Variants in PLXDC2 observed in about 807,000 individuals in gnomAD.
PLXDC2 encodes plexin domain containing 2.
A neutral mutation model predicts 68.9 loss-of-function variants in PLXDC2; 40 were observed. That is an observed-to-expected ratio of 0.58 (90% CI 0.45 to 0.76). The LOEUF (loss-of-function observed/expected upper bound fraction) is 0.76. Ranked by LOEUF, PLXDC2 falls within the 30% of genes least tolerant of loss-of-function variation. The pLI is 0.00. For missense variants in PLXDC2, 644 were observed against 661.9 expected, an observed-to-expected ratio of 0.97 and a Z score of 0.30; for synonymous variants, 243 against 234.2, an observed-to-expected ratio of 1.04 and a Z score of -0.34.
At chr10:20,243,841 T>C (rs1359340663) in intron 12 of PLXDC2, among the ~76,000 whole-genome samples, 3 of 152,058 alleles carry the variant, frequency 2.0e-5, no homozygotes, top group African/African-American at 7.2e-5. Context: ...GGTGAATCAC[T>C]TGAGGTCAGG....
intron 1 of PLXDC2, among the ~76,000 whole-genome samples, chr10:19,920,600 C>A (rs1030599851): frequency 6.6e-6 from 1 of 152,190 alleles, no homozygotes; most frequent in Non-Finnish European, 1.5e-5. Context: ...AGGGGAAAAC[C>A]CTCCCACTCC....
At chr10:20,075,888 C>T (rs759471019) in intron 4 of PLXDC2, among the ~76,000 whole-genome samples, 15 of 152,148 alleles carry the variant, frequency 9.9e-5, no homozygotes, top group Non-Finnish European at 1.9e-4. Flanking sequence ...ACTGAAGTGT[C>T]CACTGATTGC....
intron 4 of PLXDC2, among the ~76,000 whole-genome samples, chr10:20,102,500 TCCTATTCCATCA>T (rs1274861735): frequency 1.3e-5 from 2 of 152,210 alleles, no homozygotes; most frequent in Non-Finnish European, 2.9e-5. Context: ...TATATGTCTG[TCCTATTCCATCA>T]CCAGCAGCAG....
chr10:20,103,364 A>C (rs1833447357), intron 4 of PLXDC2, among the ~76,000 whole-genome samples: 2 of 152,214 alleles, frequency 1.3e-5, no homozygotes, highest in Admixed American at 1.3e-4. Flanking sequence ...TGAGCATTAG[A>C]TAGGCCATGT....
intron 1 of PLXDC2, among the ~76,000 whole-genome samples, chr10:19,961,394 C>T (rs1318450557): frequency 6.6e-6 from 1 of 152,202 alleles, no homozygotes. Context: ...AACTTGAAAA[C>T]CTTTTGTTCC....
At chr10:20,076,744 G>C (rs1473337463) in intron 4 of PLXDC2, among the ~76,000 whole-genome samples, 1 of 152,078 alleles carries the variant, frequency 6.6e-6, no homozygotes, top group African/African-American at 2.4e-5. Flanking sequence ...CCTATTAAAG[G>C]CTGGCTCAAC....
chr10:19,820,044 T>G (rs1476793067), intron 1 of PLXDC2, among the ~76,000 whole-genome samples: 1 of 152,212 alleles, frequency 6.6e-6, no homozygotes, highest in African/African-American at 2.4e-5. Flanking sequence ...TCTTTTTCCT[T>G]TAGAGAACAG....
chr10:20,081,464 GATA>G (rs1210063220), intron 4 of PLXDC2, among the ~76,000 whole-genome samples: 2 of 151,962 alleles, frequency 1.3e-5, no homozygotes, highest in Non-Finnish European at 2.9e-5. Flanking sequence ...AGACCAGTAG[GATA>G]ATAATAAAAG....
rs919252449 is a variant in PLXDC2 at position 20,137,569 on chromosome 10, C to A, written c.542-5726C>A. 2.6e-5 allele frequency among the ~76,000 whole-genome samples: 4 copies of A among 152,196 alleles called. No individual in the cohort carries two copies. In the South Asian group the frequency reaches 8.3e-4, roughly 32 times the overall value. On this transcript the variant is annotated intron_variant, in intron 4 of 13. Transcript: ENST00000377252. Reference sequence around the variant, plus strand: ...AAAGTAGCATGATTTGAGGTGGCCACCACCCTGCTCTAAGGCATAGGTGCT... The same window carrying A: ...AAAGTAGCATGATTTGAGGTGGCCAACACCCTGCTCTAAGGCATAGGTGCT...
rs541579714 is a variant in PLXDC2 at position 20,114,712 on chromosome 10, G to A, written c.542-28583G>A. 8.5e-4 allele frequency among the ~76,000 whole-genome samples: 130 copies of A among 152,254 alleles called. 1 individual carries two copies. The highest frequency in any genetic ancestry group is 2.2e-3 in the African/African-American group (93 of 41,530). On this transcript the variant is annotated intron_variant, in intron 4 of 13. Transcript: ENST00000377252. ...ACAGAAGCAGGAAAGTATATTTCAGGCAGAAACAGCAGCCTGTGAAAATGC... is the reference window on the plus strand; with the variant it reads ...ACAGAAGCAGGAAAGTATATTTCAGACAGAAACAGCAGCCTGTGAAAATGC...
intron 12 of PLXDC2, among the ~76,000 whole-genome samples, chr10:20,226,362 T>C (rs2131873186): frequency 6.6e-6 from 1 of 152,310 alleles, no homozygotes; most frequent in East Asian, 1.9e-4. Flanking sequence ...AACACAATTC[T>C]TCTTTTTCCA....
intron 4 of PLXDC2, among the ~76,000 whole-genome samples, chr10:20,125,538 A>G (rs1477143252): frequency 1.3e-5 from 2 of 152,168 alleles, no homozygotes; most frequent in Non-Finnish European, 2.9e-5. Flanking sequence ...AGATTGCAAA[A>G]GGGCACATGT....
intron 1 of PLXDC2, among the ~76,000 whole-genome samples, chr10:19,929,648 A>G (rs956330219): frequency 1.3e-5 from 2 of 152,236 alleles, no homozygotes; most frequent in Admixed American, 1.3e-4. Flanking sequence ...GTACAGGATC[A>G]GAGTCTAAGC....
intron 4 of PLXDC2, among the ~76,000 whole-genome samples, chr10:20,128,361 G>A (rs903617980): frequency 2.6e-5 from 4 of 151,942 alleles, no homozygotes; most frequent in African/African-American, 7.3e-5. Flanking sequence ...CTTTTTTTCA[G>A]CTTCACTGAG....
At chr10:20,077,359 C>T (rs1391404119) in intron 4 of PLXDC2, among the ~76,000 whole-genome samples, 2 of 151,982 alleles carry the variant, frequency 1.3e-5, no homozygotes, top group Non-Finnish European at 2.9e-5. Context: ...TAATACATTA[C>T]AGAAAACCAG....
intron 1 of PLXDC2, among the ~76,000 whole-genome samples, chr10:19,952,982 A>G (rs1371956821): frequency 2.4e-4 from 36 of 152,124 alleles, no homozygotes; most frequent in African/African-American, 3.4e-4. Context: ...CTCCTGCCTC[A>G]GCCTCCTAAG....
At chr10:20,126,828 A>G (rs2358845) in intron 4 of PLXDC2, among the ~76,000 whole-genome samples, 7,432 of 77,042 alleles carry the variant, frequency 0.096, 318 homozygotes, top group East Asian at 0.24. Flanking sequence ...ATATATGTGT[A>G]TATATAATAT....
At chr10:20,059,853 T>C (rs1371695143) in intron 3 of PLXDC2, among the ~76,000 whole-genome samples, 1 of 152,198 alleles carries the variant, frequency 6.6e-6, no homozygotes, top group East Asian at 1.9e-4. Context: ...TGGGATACAC[T>C]AGGCCCACTT....
Position 20,180,839 on chromosome 10 carries a change from T to C in PLXDC2, c.1061+3430T>C, listed in dbSNP as rs147634338. 2.4e-3 allele frequency among the ~76,000 whole-genome samples: 371 copies of C among 152,190 alleles called. 1 individual carries two copies. The highest frequency in any genetic ancestry group is 0.01 in the Middle Eastern group (3 of 294). The stretch of plus-strand genomic sequence containing the variant: ...TTACTAAAATTACTTGGTCCATTTC[T>C]TTGAACTAAGAGTGCTTATGTTTCC... On this transcript the variant is annotated intron_variant, in intron 9 of 13. Transcript: ENST00000377252.
Sources: allele counts gnomAD v4.1 joint callset (sites outside exome capture counted in the v4.1 genomes callset), GRCh38; gene constraint gnomAD v4.1.1; transcripts MANE v1.5; gene names NCBI Gene and HGNC (gene_info 2026-07-23, HGNC 2026-07-21).